The following LRRC37B variants were observed in gnomAD, a reference collection of about 807,000 sequenced individuals.
LRRC37B encodes the protein leucine rich repeat containing 37B.
LRRC37B carries 28 observed loss-of-function variants against 98.3 expected under a neutral mutation model. The ratio of observed to expected loss-of-function variants is 0.28; its 90% CI spans 0.21 to 0.39. LRRC37B has a LOEUF of 0.39. Among genes scored for constraint, LRRC37B ranks in the 10% least tolerant of loss-of-function variants. The probability of loss-of-function intolerance (pLI) is 1.00; values close to 1 mark genes in which losing one functional copy is unlikely to be tolerated. For missense variants in LRRC37B, 938 were observed against 1,182.7 expected (o/e 0.79, Z 3.03); for synonymous variants, 364 against 442.7 (o/e 0.82, Z 2.23).
chr17:32,010,350 A>C (rs1184697364), intron 1 of LRRC37B, among the ~76,000 whole-genome samples: 1 of 152,234 alleles, frequency 6.6e-6, no homozygotes, highest in Non-Finnish European at 1.5e-5. Flanking sequence ...CACATAATTT[A>C]CAAATTATCA....
chr17:32,023,184 T>C (rs929127026), intron 1 of LRRC37B, among the ~76,000 whole-genome samples: 33 of 149,544 alleles, frequency 2.2e-4, no homozygotes, highest in Admixed American at 8.2e-4. Flanking sequence ...TGCAATGGCA[T>C]GGTCTTGGCT....
chr17:32,020,554 G>A (rs1598202688), upstream of LRRC37B: 1 of 583,098 alleles, frequency 1.7e-6, no homozygotes, highest in Non-Finnish European at 2.2e-6. Context: ...TGGAGTCCTC[G>A]CTTATTCCCT....
chr17:32,016,772 C>G (rs1326513979), upstream of LRRC37B, among the ~76,000 whole-genome samples: 1 of 152,158 alleles, frequency 6.6e-6, no homozygotes, highest in African/African-American at 2.4e-5. Context: ...ACTTTCATGA[C>G]CATAGAAATC....
chr17:32,040,481 TG>T (rs1387919896), intron 7 of LRRC37B: 4 of 647,544 alleles, frequency 6.2e-6, no homozygotes, highest in Middle Eastern at 3.8e-4. Flanking sequence ...GCAAGCCAGC[TG>T]GTCAGTGAGA....
chr17:32,035,018 T>A, intron 6 of LRRC37B, 37 bp downstream of exon 9: 1 of 1,328,928 alleles, frequency 7.5e-7, no homozygotes, highest in Non-Finnish European at 1.0e-6. Context: ...CATGAGATGA[T>A]TTATGCTTTT....
intron 7 of LRRC37B, among the ~76,000 whole-genome samples, chr17:32,039,300 T>C (rs1392889941): frequency 6.7e-6 from 1 of 150,220 alleles, no homozygotes; most frequent in Non-Finnish European, 1.5e-5. Flanking sequence ...TAGGTATAGA[T>C]ATATATCCGT....
chr17:32,030,086 C>T (rs477388), intron 3 of LRRC37B, among the ~76,000 whole-genome samples: 138 of 152,020 alleles, frequency 9.1e-4, no homozygotes, highest in African/African-American at 2.9e-3. Flanking sequence ...ACTGAAGAAA[C>T]TGCTTTCATG....
At chr17:32,046,599 C>CTTTTTTTTTTTT (rs796570580) in intron 8 of LRRC37B, among the ~76,000 whole-genome samples, 2 of 132,826 alleles carry the variant, frequency 1.5e-5, no homozygotes, top group African/African-American at 2.7e-5. Flanking sequence ...TTCTTTTTTT[C>CTTTTTTTTTTTT]TTTTTTTTTT....
chr17:32,037,532 C>T (rs1239974936), intron 7 of LRRC37B, among the ~76,000 whole-genome samples: 1 of 152,140 alleles, frequency 6.6e-6, no homozygotes, highest in Non-Finnish European at 1.5e-5. Flanking sequence ...TCCCAAAGTG[C>T]TGGGATTACA....
At chr17:32,037,834 A>G (rs779331051) in intron 7 of LRRC37B, among the ~76,000 whole-genome samples, 2 of 151,648 alleles carry the variant, frequency 1.3e-5, no homozygotes, top group East Asian at 2.0e-4. Context: ...TAGGCCAGGC[A>G]TGGTGGCTCA....
chr17:32,032,626 T>C lies in LRRC37B; in HGVS notation c.2057+1168T>C, dbSNP rs575164939. Among the ~76,000 whole-genome samples the C allele has an allele frequency of 3.3e-5, 5 of 152,218 alleles. No homozygotes were observed. The East Asian group carries it at 9.7e-4, about 29-fold the overall frequency. On this transcript the variant is annotated intron_variant, in intron 5 of 11. Transcript: ENST00000327564. ...TAGTTTCACACAGTTCATTTTGAGG[T>C]AGAGGGAGGTGTTCAGGATGTGTCT...
chr17:32,028,819 G>GTA (rs1872405409), intron 3 of LRRC37B: 1 of 127,192 alleles, frequency 7.9e-6, no homozygotes, highest in Non-Finnish European at 1.6e-5. Context: ...CCTTATTAGT[G>GTA]ATGCTCTTTT....
At chr17:32,035,061 T>G (rs1911210618) in intron 6 of LRRC37B, 80 bp downstream of exon 9, 3 of 1,079,700 alleles carry the variant, frequency 2.8e-6, no homozygotes, top group African/African-American at 3.2e-5. Context: ...GTATTTTGCA[T>G]TTAGGCTAAA....
chr17:32,008,183 T>C, intron 1 of LRRC37B, 51 bp downstream of exon 1: 1 of 224,324 alleles, frequency 4.5e-6, no homozygotes, highest in Non-Finnish European at 9.6e-6. Flanking sequence ...TCCTCTCCCC[T>C]CCCCCCTTGC....
intron 11 of LRRC37B, chr17:32,051,894 TA>T (rs1911771197): frequency 1.3e-5 from 2 of 152,248 alleles, no homozygotes; most frequent in Non-Finnish European, 2.9e-5. Context: ...TTTTGTTAGA[TA>T]ACAGATCTTT....
chr17:32,021,350 C>T, exon 1 of LRRC37B: 3 of 1,613,992 alleles, frequency 1.9e-6, no homozygotes, highest in African/African-American at 1.3e-5. Flanking sequence ...CCCCAGCAGC[C>T]CCGGGGGACT....
upstream of LRRC37B, among the ~76,000 whole-genome samples, chr17:32,019,341 C>T (rs115942030): frequency 2.2e-3 from 333 of 152,302 alleles, 1 homozygote; most frequent in African/African-American, 7.3e-3. Context: ...ACATACAGTA[C>T]AGGTTTGTAG....
chr17:32,041,052 C>G (rs762105566), intron 7 of LRRC37B: 1 of 769,206 alleles, frequency 1.3e-6, no homozygotes, highest in Non-Finnish European at 2.4e-6. Context: ...CAACATTGAG[C>G]AGGTGAGTCA....
rs1911082501 is a variant in LRRC37B, at chr17:32,030,545, A to G, written c.1905-111A>G. ...AGTTCAAATACAGGTCCAAATGTTT[A>G]GAGTCGAGATGAAAAATGTGTATTC... On this transcript the variant is annotated intron_variant, in intron 3 of 11. Transcript: ENST00000327564. 6 of 896,472 alleles carry G rather than the reference A, an allele frequency of 6.7e-6. No individual in the cohort carries two copies. The African/African-American group carries it at 1.0e-4, about 15-fold the overall frequency. 55.5% of individuals were successfully genotyped at this position (896,472 alleles called of 1,614,324 possible).
Sources: gnomAD v4.1 joint callset for allele counts (sites outside exome capture counted in the v4.1 genomes callset) on GRCh38, gnomAD v4.1.1 for gene constraint, MANE v1.5 for transcripts, NCBI Gene and HGNC (gene_info 2026-07-23, HGNC 2026-07-21) for gene names.